PSTPIP2: variants seen among roughly 807,000 people sequenced by gnomAD.
The protein encoded by PSTPIP2 is proline-serine-threonine phosphatase-interacting protein 2.
In PSTPIP2, 33 loss-of-function variants were observed where a neutral mutation model predicts 63.3. The ratio of observed to expected loss-of-function variants is 0.52; its 90% CI spans 0.40 to 0.70. PSTPIP2 has a LOEUF of 0.70. Among genes scored for constraint, PSTPIP2 ranks in the 30% least tolerant of loss-of-function variants. The pLI is 0.00. For synonymous variants in PSTPIP2, 125 were observed against 132.7 expected (o/e 0.94, Z 0.40); for missense variants, 312 against 400.7 (o/e 0.78, Z 1.89).
chr18:46,060,268 G>T (rs981072614), intron 1 of PSTPIP2, among the ~76,000 whole-genome samples: 4 of 151,936 alleles, frequency 2.6e-5, no homozygotes, highest in African/African-American at 9.7e-5. Flanking sequence ...TTAAATTTTT[G>T]AAAGTGATTT....
intron 1 of PSTPIP2, among the ~76,000 whole-genome samples, chr18:46,069,098 A>C (rs1909300798): frequency 6.6e-6 from 1 of 152,156 alleles, no homozygotes; most frequent in Admixed American, 6.5e-5. Flanking sequence ...AAGTATCTAC[A>C]GGAGGTTCAG....
At chr18:46,061,681 G>A (rs1411026441) in intron 1 of PSTPIP2, among the ~76,000 whole-genome samples, 1 of 152,216 alleles carries the variant, frequency 6.6e-6, no homozygotes, top group African/African-American at 2.4e-5. Flanking sequence ...CAAATCAACA[G>A]TGCCCAGATC....
rs1049102187 is a variant in PSTPIP2, at chr18:45,998,861, C to CA, written c.517-23dup. On this transcript the variant is annotated intron_variant, in intron 7 of 14. Coordinates refer to ENST00000409746, the MANE Select transcript of PSTPIP2 (RefSeq NM_024430.4). Reference sequence around the variant, plus strand: ...AAAGCTGTGAAAACAAACAAACAAACAAAAAAAGAGCAAGCATTGGGAATG... The same window carrying CA: ...AAAGCTGTGAAAACAAACAAACAAACAAAAAAAAGAGCAAGCATTGGGAATG... 1.2e-5 allele frequency: 19 copies of CA among 1,612,300 alleles called. No homozygotes were observed. In the Admixed American group the frequency reaches 1.3e-4, roughly 11 times the overall value.
At chr18:46,008,702 C>G (rs764461939) in intron 5 of PSTPIP2, among the ~76,000 whole-genome samples, 15 of 152,286 alleles carry the variant, frequency 9.8e-5, no homozygotes, top group South Asian at 6.2e-4. Flanking sequence ...ACGAAACTCT[C>G]CCATGACCAT....
intron 6 of PSTPIP2, among the ~76,000 whole-genome samples, chr18:46,001,423 C>A (rs796710462): frequency 2.0e-5 from 3 of 152,138 alleles, no homozygotes; most frequent in African/African-American, 7.2e-5. Flanking sequence ...AGATCCGTTG[C>A]CCATTTTTTT....
chr18:46,033,737 G>A (rs919149507), intron 2 of PSTPIP2, among the ~76,000 whole-genome samples: 1 of 151,186 alleles, frequency 6.6e-6, no homozygotes, highest in Admixed American at 6.6e-5. Flanking sequence ...AGACACAGGG[G>A]AACAACACCA....
At chr18:46,013,743 T>A (rs1446969261) in intron 4 of PSTPIP2, among the ~76,000 whole-genome samples, 1 of 151,994 alleles carries the variant, frequency 6.6e-6, no homozygotes, top group Non-Finnish European at 1.5e-5. Flanking sequence ...TAATTTCTCA[T>A]ACCAAGAAAA....
At chr18:46,057,833 T>TA (rs1451415667) in intron 1 of PSTPIP2, among the ~76,000 whole-genome samples, 2 of 151,292 alleles carry the variant, frequency 1.3e-5, no homozygotes, top group Admixed American at 6.6e-5. Context: ...CCGTCTCTAC[T>TA]AAAAAATACA....
intron 1 of PSTPIP2, among the ~76,000 whole-genome samples, chr18:46,043,256 G>A (rs1908258654): frequency 2.1e-5 from 3 of 143,498 alleles, no homozygotes; most frequent in Admixed American, 7.1e-5. Flanking sequence ...AGCCAAGTAT[G>A]GTGGTGTGCC....
chr18:46,009,145 A>T (rs1485296982), intron 5 of PSTPIP2, among the ~76,000 whole-genome samples: 1 of 152,108 alleles, frequency 6.6e-6, no homozygotes, highest in African/African-American at 2.4e-5. Context: ...CACCACCTTC[A>T]TAAAACATTA....
chr18:46,062,316 C>T (rs992602075), intron 1 of PSTPIP2, among the ~76,000 whole-genome samples: 1 of 152,002 alleles, frequency 6.6e-6, no homozygotes, highest in African/African-American at 2.4e-5. Flanking sequence ...GGTACCCTAT[C>T]GCACTCACCC....
At chr18:46,061,032 G>A (rs1908972149) in intron 1 of PSTPIP2, among the ~76,000 whole-genome samples, 1 of 152,184 alleles carries the variant, frequency 6.6e-6, no homozygotes, top group Non-Finnish European at 1.5e-5. Flanking sequence ...GGCTGGGTGT[G>A]GTAGCTCACA....
intron 1 of PSTPIP2, among the ~76,000 whole-genome samples, chr18:46,048,971 C>T (rs1283194568): frequency 2.7e-5 from 4 of 149,484 alleles, no homozygotes; most frequent in Non-Finnish European, 1.5e-5. Flanking sequence ...GGAAATCATG[C>T]CTACTTCTTT....
At position 46,003,746 on chromosome 18, in the gene PSTPIP2, C is replaced by G. The variant is rs547105333; in HGVS notation, c.417+1723G>C. On this transcript the variant is annotated intron_variant, in intron 6 of 14. Coordinates refer to ENST00000409746, the MANE Select transcript of PSTPIP2 (RefSeq NM_024430.4). ...AGCCAGTGTGCCTTCTTCTCTCCCC[C>G]TTTCAGAGTTTTTTTTTTTTTTTTT... 8.3e-5 allele frequency among the ~76,000 whole-genome samples: 12 copies of G among 144,728 alleles called. No homozygotes were observed. The South Asian group carries it at 2.3e-3, about 28-fold the overall frequency. 94.9% of individuals were successfully genotyped at this position (144,728 alleles called of 152,430 possible).
At position 45,983,749 on chromosome 18, in the gene PSTPIP2, A is replaced by C. The variant is rs1239606816; in HGVS notation, c.*1710T>G. 6.6e-6 allele frequency: 1 copy of C among 152,194 alleles called. No homozygotes were observed. The highest frequency in any genetic ancestry group is 2.4e-5 in the African/African-American group (1 of 41,452). The allele number at this position is 152,194 out of a possible 1,614,324, so 9.4% of individuals were successfully genotyped here. A position where few individuals can be genotyped will look rare whatever the true frequency, so the allele number is the denominator to read the frequency against. The stretch of plus-strand genomic sequence containing the variant: ...TTCCTGAGCCCGTTCAGTTTGGGGA[A>C]ATTTGGCCCTTTGCAAAATTCAGTT... On this transcript the variant is annotated 3_prime_UTR_variant, in exon 15 of 15. Coordinates refer to ENST00000409746, the MANE Select transcript of PSTPIP2 (RefSeq NM_024430.4).
chr18:46,035,887 C>A (rs996640265), intron 2 of PSTPIP2, among the ~76,000 whole-genome samples: 1 of 152,164 alleles, frequency 6.6e-6, no homozygotes, highest in South Asian at 2.1e-4. Flanking sequence ...ATGCAGCCAA[C>A]ATAAGTGCCA....
chr18:46,038,381 GCCCCCCAGGCAGTCAGTGCCTGGGGT>G (rs922739615), intron 2 of PSTPIP2, among the ~76,000 whole-genome samples: 12 of 152,042 alleles, frequency 7.9e-5, no homozygotes, highest in Non-Finnish European at 1.2e-4. Context: ...CCCTTGGATG[GCCCCCCAGGCAGTCAGTGCCTGGGGT>G]CCTGAGCCGA....
Position 46,029,084 on chromosome 18 carries a change from G to A in PSTPIP2, c.135-4398C>T. 3 of 806,834 alleles carry A rather than the reference G, an allele frequency of 3.7e-6. No individual in the cohort carries two copies. The South Asian group carries it at 4.1e-5, about 11-fold the overall frequency. The allele number at this position is 806,834 out of a possible 1,614,324, so 50.0% of individuals were successfully genotyped here. A position where few individuals can be genotyped will look rare whatever the true frequency, so the allele number is the denominator to read the frequency against. ...ATCCTAAAATCCAGAGCACCTGTTT[G>A]GAAAGGTTTCCAAACTGTAAGGCTT... On this transcript the variant is annotated intron_variant, in intron 2 of 14. Coordinates refer to ENST00000409746, the MANE Select transcript of PSTPIP2 (RefSeq NM_024430.4).
At chr18:46,039,222 T>C (rs1028718841) in intron 2 of PSTPIP2, among the ~76,000 whole-genome samples, 7 of 152,202 alleles carry the variant, frequency 4.6e-5, no homozygotes, top group Non-Finnish European at 8.8e-5. Context: ...ATCAATAAGT[T>C]TCCACAAAAC....
Sources: gnomAD v4.1 joint callset for allele counts (sites outside exome capture counted in the v4.1 genomes callset) on GRCh38, gnomAD v4.1.1 for gene constraint, MANE v1.5 for transcripts, NCBI Gene and HGNC (gene_info 2026-07-23, HGNC 2026-07-21) for gene names.